Variants in PPM1E observed in about 807,000 individuals in gnomAD.
PPM1E encodes the protein protein phosphatase, Mg2+/Mn2+ dependent 1E.
Under a neutral mutation model 65.9 loss-of-function variants are expected in PPM1E, and 20 were observed. The observed-to-expected ratio is 0.30, with a 90% CI of 0.21 to 0.44. The LOEUF (loss-of-function observed/expected upper bound fraction) is 0.44, where lower values mean the gene tolerates loss of function less well. PPM1E is among the 20% of genes least tolerant of loss of function. The pLI is 1.00. For synonymous variants in PPM1E, 352 were observed against 374.9 expected, an observed-to-expected ratio of 0.94 and a Z score of 0.70; for missense variants, 713 against 953.1, an observed-to-expected ratio of 0.75 and a Z score of 3.32.
rs1181080707 is a variant in PPM1E, at chr17:58,983,908, G to A, written c.*2877G>A. The A allele has an allele frequency of 6.6e-6, 1 of 152,582 alleles. No individual in the cohort carries two copies. Among genetic ancestry groups the A allele is most frequent in the Non-Finnish European group, 1.5e-5 (1 of 68,022 alleles). 9.5% of individuals were successfully genotyped at this position (152,582 alleles called of 1,614,324 possible). On this transcript the variant is annotated 3_prime_UTR_variant, in exon 7 of 7. Transcript: ENST00000308249. The stretch of plus-strand genomic sequence containing the variant: ...CAACTGAAGTCATTACAAACTCCTT[G>A]TACATTCACTGTGAGTTTCAAAGGG...
chr17:58,891,832 C>CTTTTTCT (rs371578144), intron 1 of PPM1E, among the ~76,000 whole-genome samples: 4 of 85,498 alleles, frequency 4.7e-5, no homozygotes, highest in African/African-American at 9.5e-5. Flanking sequence ...TTTTCTTTTT[C>CTTTTTCT]TTTTTTTTTT....
chr17:58,863,343 G>A (rs2050962671), intron 1 of PPM1E, among the ~76,000 whole-genome samples: 1 of 152,170 alleles, frequency 6.6e-6, no homozygotes, highest in Non-Finnish European at 1.5e-5. Context: ...GCATGCAGGT[G>A]AGCAGTTGCA....
chr17:58,850,535 A>G (rs1293314549), intron 1 of PPM1E, among the ~76,000 whole-genome samples: 6 of 152,144 alleles, frequency 3.9e-5, no homozygotes, highest in African/African-American at 7.2e-5. Context: ...TTCACTTATG[A>G]AGCTTAGTTT....
At chr17:58,890,154 A>G (rs190897780) in intron 1 of PPM1E, among the ~76,000 whole-genome samples, 6 of 152,308 alleles carry the variant, frequency 3.9e-5, no homozygotes, top group South Asian at 2.1e-4. Flanking sequence ...ACCAGTCAAT[A>G]CAACCTTGTT....
rs748542659 is a variant in PPM1E, at chr17:58,963,387, C to CA, written c.584-2291dup. ...GGGCGACAAGAGTGAAACTCTGTCT[C>CA]AAAAAAAAAAAAAAAACTTGGCCGG... On this transcript the variant is annotated intron_variant, in intron 2 of 6. Transcript: ENST00000308249. Among the ~76,000 whole-genome samples, 491 of 78,534 alleles carry CA rather than the reference C, an allele frequency of 6.3e-3. 1 individual carries two copies. Among genetic ancestry groups the CA allele is most frequent in the Middle Eastern group, 0.012 (1 of 86 alleles). 51.5% of individuals were successfully genotyped at this position (78,534 alleles called of 152,430 possible). A position where few individuals can be genotyped will look rare whatever the true frequency, so the allele number is the denominator to read the frequency against.
chr17:58,825,212 T>TCA (rs955027575), intron 1 of PPM1E, among the ~76,000 whole-genome samples: 4 of 124,704 alleles, frequency 3.2e-5, no homozygotes, highest in African/African-American at 1.3e-4. Context: ...CTATTGATTC[T>TCA]CACACACACA....
chr17:58,964,499 G>A (rs1031800071), intron 2 of PPM1E, among the ~76,000 whole-genome samples: 1 of 151,104 alleles, frequency 6.6e-6, no homozygotes, highest in African/African-American at 2.4e-5. Flanking sequence ...TAGGTGAAGC[G>A]GTAGACATAG....
chr17:58,888,478 C>T (rs568371350), intron 1 of PPM1E, among the ~76,000 whole-genome samples: 3 of 151,584 alleles, frequency 2.0e-5, no homozygotes, highest in Non-Finnish European at 2.9e-5. Context: ...ATTCTCCTGC[C>T]TCAGCCTCCC....
At chr17:58,765,722 GTA>G (rs2049867695) in intron 1 of PPM1E, among the ~76,000 whole-genome samples, 3 of 152,006 alleles carry the variant, frequency 2.0e-5, no homozygotes, top group Admixed American at 6.6e-5. Context: ...CTGGTTAGAA[GTA>G]TGAAAGATAA....
intron 1 of PPM1E, among the ~76,000 whole-genome samples, chr17:58,924,459 G>A (rs1407959705): frequency 1.3e-5 from 2 of 152,184 alleles, no homozygotes; most frequent in Non-Finnish European, 2.9e-5. Context: ...GCTGAGGTGA[G>A]AGGATTGCTT....
In PPM1E at chr17:58,840,273, T is replaced by G. The variant is rs73331058; in HGVS notation, c.464+83812T>G. The stretch of plus-strand genomic sequence containing the variant: ...TTGTTGGGGCTTGGTCATATAGACA[T>G]GATTGACTACTCACATGGCTGTTTT... On this transcript the variant is annotated intron_variant, in intron 1 of 6. Transcript: ENST00000308249. Among the ~76,000 whole-genome samples the G allele has an allele frequency of 9.1e-3, 1,387 of 152,298 alleles. 24 individuals carry two copies. Among genetic ancestry groups the G allele is most frequent in the African/African-American group, 0.031 (1,282 of 41,546 alleles).
intron 1 of PPM1E, among the ~76,000 whole-genome samples, chr17:58,842,737 G>C (rs1419227212): frequency 1.3e-5 from 2 of 151,954 alleles, no homozygotes; most frequent in East Asian, 3.9e-4. Context: ...TCAAGAGTTT[G>C]AGAACAGCCT....
At chr17:58,766,055 A>G (rs2049873049) in intron 1 of PPM1E, among the ~76,000 whole-genome samples, 1 of 149,230 alleles carries the variant, frequency 6.7e-6, no homozygotes, top group South Asian at 2.1e-4. Context: ...TAATTTTTGT[A>G]TTTTATTAGA....
At chr17:58,977,650 G>C (rs899233756) in intron 6 of PPM1E, among the ~76,000 whole-genome samples, 1 of 152,138 alleles carries the variant, frequency 6.6e-6, no homozygotes, top group Non-Finnish European at 1.5e-5. Flanking sequence ...GCTAGATAGG[G>C]CATGTGCCCA....
At chr17:58,772,331 C>T (rs935345642) in intron 1 of PPM1E, among the ~76,000 whole-genome samples, 5 of 152,080 alleles carry the variant, frequency 3.3e-5, no homozygotes, top group African/African-American at 7.2e-5. Flanking sequence ...TGGCGTGCGC[C>T]TGTAGCCCCA....
chr17:58,841,763 A>G lies in PPM1E; in HGVS notation c.464+85302A>G, dbSNP rs1429457084. ...TACTCTGTTGCCCAGGCTGGAGTGC[A>G]GTGGCATGACCTCGGCTCACTGCAA... On this transcript the variant is annotated intron_variant, in intron 1 of 6. Transcript: ENST00000308249. Among the ~76,000 whole-genome samples the G allele has an allele frequency of 2.0e-5, 3 of 151,920 alleles. No individual in the cohort carries two copies. The East Asian group carries it at 5.8e-4, about 29-fold the overall frequency.
chr17:58,879,573 T>C (rs1351019768), intron 1 of PPM1E, among the ~76,000 whole-genome samples: 1 of 145,802 alleles, frequency 6.9e-6, no homozygotes, highest in African/African-American at 2.5e-5. Flanking sequence ...GCGGTGATGC[T>C]TGTCGGCTCA....
intron 1 of PPM1E, among the ~76,000 whole-genome samples, chr17:58,871,191 C>T (rs966915105): frequency 1.3e-5 from 2 of 152,038 alleles, no homozygotes; most frequent in African/African-American, 2.4e-5. Context: ...TGCACACCAC[C>T]ACATCTGGCT....
intron 1 of PPM1E, among the ~76,000 whole-genome samples, chr17:58,795,548 C>A (rs948078512): frequency 9.2e-5 from 14 of 151,702 alleles, no homozygotes; most frequent in Non-Finnish European, 1.9e-4. Context: ...ACAAAAAAAT[C>A]AAAAAATTAA....
Sources: allele counts gnomAD v4.1 joint callset (sites outside exome capture counted in the v4.1 genomes callset), GRCh38; gene constraint gnomAD v4.1.1; transcripts MANE v1.5; gene names NCBI Gene and HGNC (gene_info 2026-07-23, HGNC 2026-07-21).